ACIN1: variants seen among roughly 807,000 people sequenced by gnomAD.
ACIN1 encodes the protein apoptotic chromatin condensation inducer in the nucleus.
ACIN1 carries 16 observed loss-of-function variants against 146.6 expected under a neutral mutation model. That is an observed-to-expected ratio of 0.11 (90% CI 0.07 to 0.17). The LOEUF (loss-of-function observed/expected upper bound fraction) is 0.17, where lower values mean the gene tolerates loss of function less well. Ranked by LOEUF, ACIN1 falls within the 10% of genes least tolerant of loss-of-function variation. The pLI, the probability that ACIN1 is intolerant of heterozygous loss-of-function variation, is 1.00. For missense variants in ACIN1, 1,357 were observed against 1,609.3 expected, an observed-to-expected ratio of 0.84 and a Z score of 2.68; for synonymous variants, 569 against 582.7, an observed-to-expected ratio of 0.98 and a Z score of 0.34.
At position 23,080,822 on chromosome 14, in the gene ACIN1, A is replaced by G; in HGVS notation, c.526-13T>C. 6.3e-7 allele frequency: 1 copy of G among 1,581,782 alleles called. No homozygotes were observed. The highest frequency in any genetic ancestry group is 8.6e-7 in the Non-Finnish European group (1 of 1,163,498). ...TAGCTGCTCTTGCCTGAAAGAACAGATACACAATGGCTCCAAATGTATTTG... is the reference window on the plus strand; with the variant it reads ...TAGCTGCTCTTGCCTGAAAGAACAGGTACACAATGGCTCCAAATGTATTTG... On this transcript the variant is annotated splice_polypyrimidine_tract_variant and intron_variant, in intron 5 of 18. Coordinates refer to ENST00000605057, the MANE Select transcript of ACIN1 (RefSeq NM_001386863.1).
Position 23,069,548 on chromosome 14 carries a change from G to A in ACIN1, c.2193C>T (p.Pro731=). The A allele has an allele frequency of 6.2e-7, 1 of 1,613,994 alleles. No homozygotes were observed. The highest frequency in any genetic ancestry group is 8.5e-7 in the Non-Finnish European group (1 of 1,179,976). The change falls in exon 9 of 19, where the codon CCC becomes CCT. Residue 731 remains proline, a synonymous_variant. Transcript: ENST00000605057. ...NRPENDVPEP[P]MPIADQVSND... is the part of the protein sequence containing the mutation. ...TGCTGACTTGGTCTGCAATAGGCAT[G>A]GGAGGTTCTGGAACATCATTTTCAG...
At chr14:23,063,341 A>C (rs1395634610) in intron 13 of ACIN1, 95 bp downstream of exon 13, 1 of 1,463,060 alleles carries the variant, frequency 6.8e-7, no homozygotes, top group East Asian at 2.3e-5. Context: ...AATATAATGA[A>C]AGGCAGGAAA....
At chr14:23,069,268 A>C (rs1446652181) in intron 9 of ACIN1, 2 of 1,250,232 alleles carry the variant, frequency 1.6e-6, no homozygotes, top group Non-Finnish European at 2.0e-6. Context: ...CCCAACAAGG[A>C]AAGGAAAATG....
chr14:23,059,897 C>T (rs368672564), intron 18 of ACIN1, among the ~76,000 whole-genome samples: 8 of 151,552 alleles, frequency 5.3e-5, no homozygotes, highest in African/African-American at 1.7e-4. Context: ...CCTCGTGATC[C>T]GCCCGCCTCA....
chr14:23,059,362 C>A lies in ACIN1; in HGVS notation c.3638G>T (p.Arg1213Leu). The A allele has an allele frequency of 6.2e-7, 1 of 1,612,670 alleles. No homozygotes were observed. The highest frequency in any genetic ancestry group is 8.5e-7 in the Non-Finnish European group (1 of 1,178,784). The change falls in exon 19 of 19, where the codon CGG (arginine) becomes CTG (leucine). Residue 1213 changes from arginine to leucine, a missense_variant. By Grantham distance (102) the Arg-to-Leu change is moderately radical. Coordinates refer to ENST00000605057, the MANE Select transcript of ACIN1 (RefSeq NM_001386863.1). ...KEREKEAERE[R>L]NRQLEREKRR... is the part of the protein sequence containing the mutation. ...TTTCTCTCGCTCCAGCTGTCGGTTC[C>A]GTTCCCGCTCGGCTTCCTTCTCCCG...
chr14:23,069,633 AGTG>A lies in ACIN1; in HGVS notation c.2124-19_2124-17del. 6.2e-6 allele frequency: 2 copies of A among 321,228 alleles called. No individual in the cohort carries two copies. Among genetic ancestry groups the A allele is most frequent in the Non-Finnish European group, 1.1e-5 (2 of 187,292 alleles). The allele number at this position is 321,228 out of a possible 1,614,324, so 19.9% of individuals were successfully genotyped here. On this transcript the variant is annotated splice_polypyrimidine_tract_variant and intron_variant, in intron 8 of 18. Transcript: ENST00000605057. The stretch of plus-strand genomic sequence containing the variant: ...CTTCTCCTCACTGACAGGAGGGGGG[AGTG>A]GTGGTGGGGGGGCGGGCAGAAAAGA...
In ACIN1 at chr14:23,080,699, CTCT is replaced by C. The variant is rs2047923199; in HGVS notation, c.633_635del (p.Glu223del). 6.2e-7 allele frequency: 1 copy of C among 1,613,874 alleles called. No homozygotes were observed. The highest frequency in any genetic ancestry group is 1.1e-5 in the South Asian group (1 of 91,074). ...CCTCCTCCTCCTCCTCTTCTTCCTC[CTCT>C]GTTTTCAAATTTCGATCTGCTCTGA... On this transcript the variant is annotated inframe_deletion, in exon 6 of 19. Coordinates refer to ENST00000605057, the MANE Select transcript of ACIN1 (RefSeq NM_001386863.1).
chr14:23,081,430 G>A (rs1032492549), intron 5 of ACIN1, among the ~76,000 whole-genome samples: 2 of 151,992 alleles, frequency 1.3e-5, no homozygotes, highest in Admixed American at 6.6e-5. Context: ...AAGACAAAAC[G>A]AACAACAAAA....
At chr14:23,094,133 C>A (rs1190516770) in intron 1 of ACIN1, among the ~76,000 whole-genome samples, 1 of 150,800 alleles carries the variant, frequency 6.6e-6, no homozygotes, top group Non-Finnish European at 1.5e-5. Context: ...CAAACACACA[C>A]ACACAAAACT....
At position 23,080,787 on chromosome 14, in the gene ACIN1, TCAGA is replaced by T; in HGVS notation, c.544_547del (p.Ser182ArgfsTer19). On this transcript the variant is annotated frameshift_variant, in exon 6 of 19. Coordinates refer to ENST00000605057, the MANE Select transcript of ACIN1 (RefSeq NM_001386863.1). LOFTEE classifies it high-confidence loss of function. ...TTCCTCCTCAGCAGGTTGGCTGCCCTCAGACAGTTTAGCTGCTCTTGCCTGAAAG... is the reference window on the plus strand; with the variant it reads ...TTCCTCCTCAGCAGGTTGGCTGCCCTCAGTTTAGCTGCTCTTGCCTGAAAG... The T allele has an allele frequency of 6.2e-7, 1 of 1,607,596 alleles. No individual in the cohort carries two copies. The highest frequency in any genetic ancestry group is 8.5e-7 in the Non-Finnish European group (1 of 1,175,844).
chr14:23,062,134 C>G, intron 16 of ACIN1, 34 bp downstream of exon 16: 44 of 1,514,544 alleles, frequency 2.9e-5, no homozygotes, highest in Non-Finnish European at 3.8e-5. Context: ...GCTTCCCCTG[C>G]CCCTCCTCTC....
chr14:23,077,151 G>T (rs906924441), intron 8 of ACIN1, among the ~76,000 whole-genome samples: 10 of 152,216 alleles, frequency 6.6e-5, no homozygotes, highest in Admixed American at 2.0e-4. Flanking sequence ...ACAGGCAAAT[G>T]AGATAAATCA....
intron 4 of ACIN1, among the ~76,000 whole-genome samples, chr14:23,088,972 T>C (rs1241210210): frequency 6.6e-6 from 1 of 152,220 alleles, no homozygotes; most frequent in African/African-American, 2.4e-5. Context: ...AGACAGGTAG[T>C]TCCCAAAAGA....
intron 10 of ACIN1, 132 bp from the exon 11 acceptor site, chr14:23,064,620 T>C: frequency 7.6e-7 from 1 of 1,307,478 alleles, no homozygotes; most frequent in East Asian, 2.4e-5. Context: ...ATTTGGAGGC[T>C]GAGTGTGGTG....
intron 7 of ACIN1, 132 bp downstream of exon 7, chr14:23,078,688 G>A (rs1158317574): frequency 1.0e-6 from 1 of 979,224 alleles, no homozygotes; most frequent in Non-Finnish European, 1.5e-6. Flanking sequence ...GAGTTAAGCA[G>A]GATTAACAGG....
chr14:23,065,437 T>G (rs757869607), intron 10 of ACIN1, among the ~76,000 whole-genome samples: 2 of 152,148 alleles, frequency 1.3e-5, no homozygotes, highest in Non-Finnish European at 2.9e-5. Flanking sequence ...AATACAAAAA[T>G]TAGCTGGGCA....
intron 8 of ACIN1, among the ~76,000 whole-genome samples, chr14:23,077,365 TC>T (rs2047828386): frequency 6.6e-6 from 1 of 152,230 alleles, no homozygotes; most frequent in Non-Finnish European, 1.5e-5. Context: ...GTTCCTGATG[TC>T]TAAAAGCTAC....
intron 14 of ACIN1, 172 bp from the exon 15 acceptor site, chr14:23,062,695 A>C: frequency 1.3e-6 from 1 of 750,604 alleles, no homozygotes; most frequent in Non-Finnish European, 2.2e-6. Flanking sequence ...TCCCAGCACT[A>C]ATTGAGACGT....
chr14:23,078,350 C>A, intron 7 of ACIN1, 84 bp from the exon 8 acceptor site: 1 of 1,155,558 alleles, frequency 8.7e-7, no homozygotes, highest in South Asian at 1.3e-5. Flanking sequence ...CTGAAAAAGG[C>A]AGGGCAGGAC....
Sources: gnomAD v4.1 joint callset for allele counts (sites outside exome capture counted in the v4.1 genomes callset) on GRCh38, gnomAD v4.1.1 for gene constraint, MANE v1.5 for transcripts, NCBI Gene and HGNC (gene_info 2026-07-23, HGNC 2026-07-21) for gene names.